Variants in NCAPG2 observed in about 807,000 individuals in gnomAD.
NCAPG2 encodes condensin-2 complex subunit G2.
In NCAPG2, 53 loss-of-function variants were observed where a neutral mutation model predicts 141.1. The observed-to-expected ratio is 0.38, with a 90% CI of 0.30 to 0.47. The LOEUF (loss-of-function observed/expected upper bound fraction) is 0.47. Among genes scored for constraint, NCAPG2 ranks in the 20% least tolerant of loss-of-function variants. The pLI is 0.99. For synonymous variants in NCAPG2, 499 were observed against 490.7 expected (o/e 1.02, Z -0.22); for missense variants, 1,087 against 1,389.0 (o/e 0.78, Z 3.46).
chr7:158,645,648 T>C lies in NCAPG2; in HGVS notation c.3180-29A>G, dbSNP rs773162245. ...CAAAAAAATCAACAAACATCAAAAT[T>C]ACTGTATCATATAGACCCTAATACA... On this transcript the variant is annotated intron_variant, in intron 25 of 27. Coordinates refer to ENST00000356309, the MANE Select transcript of NCAPG2 (RefSeq NM_017760.7). The C allele has an allele frequency of 1.9e-6, 3 of 1,577,706 alleles. No individual in the cohort carries two copies. In the Admixed American group the frequency reaches 5.0e-5, roughly 26 times the overall value.
rs745620571 is a variant in NCAPG2 at position 158,650,937 on chromosome 7, G to C, written c.2970C>G (p.Phe990Leu). ...LYSVQRPLHE[F>L]ITAVQSRHTD... is the part of the protein sequence containing the mutation. ...TGTGCCGAGACTGAACAGCAGTAAT[G>C]AACTCATGAAGAGGCCTCTGAACAG... Residue 990 changes from phenylalanine to leucine, a missense_variant, in exon 24 of 28, where the codon TTC becomes TTG. Coordinates refer to ENST00000356309, the MANE Select transcript of NCAPG2 (RefSeq NM_017760.7). 1 of 1,613,242 alleles carries C rather than the reference G, an allele frequency of 6.2e-7. No individual in the cohort carries two copies. Among genetic ancestry groups the C allele is most frequent in the Non-Finnish European group, 8.5e-7 (1 of 1,179,746 alleles).
intron 11 of NCAPG2, among the ~76,000 whole-genome samples, chr7:158,678,891 C>T (rs184985689): frequency 1.8e-3 from 273 of 152,152 alleles, no homozygotes; most frequent in African/African-American, 6.1e-3. Flanking sequence ...CACTCTGTCA[C>T]CCAGGCTGGG....
chr7:158,690,562 G>C lies in NCAPG2; in HGVS notation c.537+6C>G, dbSNP rs1835053534. The C allele has an allele frequency of 2.5e-6, 4 of 1,612,138 alleles. No individual in the cohort carries two copies. Among genetic ancestry groups the C allele is most frequent in the Non-Finnish European group, 3.4e-6 (4 of 1,178,624 alleles). Reference sequence around the variant, plus strand: ...CTGTCTTTAAAAAAATAAAAAGTGAGCATACTGTCTTAGTCTCCAGACTCC... The same window carrying C: ...CTGTCTTTAAAAAAATAAAAAGTGACCATACTGTCTTAGTCTCCAGACTCC... On this transcript the variant is annotated splice_donor_region_variant and intron_variant, in intron 5 of 27. Coordinates refer to ENST00000356309, the MANE Select transcript of NCAPG2 (RefSeq NM_017760.7).
Position 158,680,782 on chromosome 7 carries a change from C to A in NCAPG2, c.959G>T (p.Arg320Leu). 6.2e-7 allele frequency: 1 copy of A among 1,604,926 alleles called. No homozygotes were observed. Among genetic ancestry groups the A allele is most frequent in the Non-Finnish European group, 8.5e-7 (1 of 1,175,472 alleles). The change falls in exon 10 of 28, where the codon CGG becomes CTG. Residue 320 changes from arginine to leucine, a missense_variant. Transcript: ENST00000356309. The stretch of plus-strand genomic sequence containing the variant: ...ATAAAGCATCTCTTCCACTCCCTGC[C>A]GAACTTTCTTTTGATGGTGAAAGTA... ...LSYFHHQKKVRQGVEEMLYRL... is the reference protein window; with the variant it reads ...LSYFHHQKKVLQGVEEMLYRL...
At chr7:158,687,524 T>C in intron 6 of NCAPG2, 82 bp from the exon 7 acceptor site, 1 of 1,012,476 alleles carries the variant, frequency 9.9e-7, no homozygotes, top group Non-Finnish European at 1.5e-6. Flanking sequence ...GAACGTCTAG[T>C]AAGCTAAACA....
intron 3 of NCAPG2, 141 bp from the exon 4 acceptor site, chr7:158,693,097 G>C: frequency 1.2e-6 from 1 of 805,558 alleles, no homozygotes; most frequent in Non-Finnish European, 1.9e-6. Context: ...TTGAATAAAA[G>C]TAAATCATCC....
At chr7:158,658,214 A>G in intron 17 of NCAPG2, 124 bp downstream of exon 17, 1 of 750,910 alleles carries the variant, frequency 1.3e-6, no homozygotes, top group Non-Finnish European at 2.0e-6. Context: ...AGGGAAGGGC[A>G]GAAGGAAGAG....
At chr7:158,649,730 TA>T (rs1190575433) in intron 24 of NCAPG2, among the ~76,000 whole-genome samples, 2 of 152,240 alleles carry the variant, frequency 1.3e-5, no homozygotes, top group Non-Finnish European at 2.9e-5. Flanking sequence ...ATGATTCACG[TA>T]AATATTAAAA....
chr7:158,671,362 T>C (rs192687499), intron 13 of NCAPG2, 152 bp downstream of exon 13: 118 of 1,033,220 alleles, frequency 1.1e-4, no homozygotes, highest in Non-Finnish European at 1.6e-4. Flanking sequence ...GAACCTTTGA[T>C]GAAAAACACA....
intron 6 of NCAPG2, 118 bp from the exon 7 acceptor site, chr7:158,687,560 T>C (rs561137275): frequency 1.4e-5 from 10 of 709,910 alleles, no homozygotes; most frequent in East Asian, 8.4e-5. Flanking sequence ...ACGAGGCACA[T>C]GTAATTATCA....
At chr7:158,699,926 G>GTTAT (rs146349286) in intron 2 of NCAPG2, among the ~76,000 whole-genome samples, 4,774 of 151,478 alleles carry the variant, frequency 0.032, 178 homozygotes, top group African/African-American at 0.092. Flanking sequence ...ATCTCTCTGG[G>GTTAT]TTATTTATTT....
At chr7:158,677,059 AAAC>A (rs947065501) in intron 11 of NCAPG2, among the ~76,000 whole-genome samples, 2 of 152,142 alleles carry the variant, frequency 1.3e-5, no homozygotes, top group African/African-American at 4.8e-5. Context: ...CAAGGGCTGC[AAAC>A]AACCCCTGAT....
intron 23 of NCAPG2, 108 bp downstream of exon 23, chr7:158,652,185 C>A: frequency 1.8e-6 from 2 of 1,130,608 alleles, no homozygotes; most frequent in South Asian, 2.8e-5. Context: ...CACAACACTG[C>A]GTGTCACCCG....
intron 13 of NCAPG2, among the ~76,000 whole-genome samples, chr7:158,665,959 C>T (rs934346297): frequency 6.6e-6 from 1 of 151,770 alleles, no homozygotes; most frequent in Non-Finnish European, 1.5e-5. Flanking sequence ...GACAATAAGC[C>T]CAAATCCCAC....
chr7:158,668,524 G>T, intron 13 of NCAPG2: 1 of 764,990 alleles, frequency 1.3e-6, no homozygotes, highest in Non-Finnish European at 1.6e-6. Context: ...ATGATGTCTG[G>T]AATTTATTTC....
chr7:158,672,292 GTATATATATA>G (rs1563549335), intron 12 of NCAPG2, among the ~76,000 whole-genome samples: 3 of 27,228 alleles, frequency 1.1e-4, no homozygotes, highest in East Asian at 1.5e-3. Context: ...GTGTGTGTGT[GTATATATATA>G]TATATATATA....
intron 23 of NCAPG2, 24 bp downstream of exon 23, chr7:158,652,269 C>T (rs1831547644): frequency 6.2e-7 from 1 of 1,605,148 alleles, no homozygotes; most frequent in Non-Finnish European, 8.5e-7. Flanking sequence ...TCTAGCGAAC[C>T]CCGTCCTGGG....
chr7:158,699,637 T>C (rs962843061), intron 2 of NCAPG2, among the ~76,000 whole-genome samples: 1 of 152,200 alleles, frequency 6.6e-6, no homozygotes, highest in East Asian at 1.9e-4. Context: ...CAATGCTCTG[T>C]ATTCCCCTCT....
chr7:158,647,645 C>T (rs1408108772), intron 24 of NCAPG2, among the ~76,000 whole-genome samples: 2 of 151,942 alleles, frequency 1.3e-5, no homozygotes, highest in East Asian at 1.9e-4. Context: ...GTGTTAGGCC[C>T]GATTCTTGGC....
Sources: gnomAD v4.1 joint callset for allele counts (sites outside exome capture counted in the v4.1 genomes callset) on GRCh38, gnomAD v4.1.1 for gene constraint, MANE v1.5 for transcripts, NCBI Gene and HGNC (gene_info 2026-07-23, HGNC 2026-07-21) for gene names.